Variants in ROPN1 observed in about 807,000 individuals in gnomAD.
The protein encoded by ROPN1 is ropporin-1A.
ROPN1 carries 14 observed loss-of-function variants against 20.5 expected under a neutral mutation model. The observed-to-expected ratio is 0.68, with a 90% confidence interval of 0.45 to 1.07. The LOEUF (loss-of-function observed/expected upper bound fraction) is 1.07. ROPN1 is among the 50% of genes least tolerant of loss of function. The pLI is 0.00. For synonymous variants in ROPN1, 76 were observed against 95.7 expected, an observed-to-expected ratio of 0.79 and a Z score of 1.20; for missense variants, 169 against 242.8, an observed-to-expected ratio of 0.70 and a Z score of 2.02.
chr3:123,974,066 C>G (rs944725416), intron 4 of ROPN1, among the ~76,000 whole-genome samples: 6 of 152,134 alleles, frequency 3.9e-5, no homozygotes, highest in African/African-American at 1.4e-4. Flanking sequence ...TAGGCTGTTT[C>G]AGTTACTGCA....
chr3:123,976,073 G>T (rs1190990269), intron 3 of ROPN1, among the ~76,000 whole-genome samples: 1 of 152,132 alleles, frequency 6.6e-6, no homozygotes, highest in South Asian at 2.1e-4. Flanking sequence ...GCCTAATGTT[G>T]CTTGATCCCA....
In ROPN1 at chr3:123,969,116, A is replaced by G; in HGVS notation, c.*39T>C. 2.0e-6 allele frequency: 3 copies of G among 1,537,412 alleles called. No homozygotes were observed. The highest frequency in any genetic ancestry group is 2.2e-5 in the East Asian group (1 of 44,458). ...GTTTCAGTCATTCTGAAGTACAATC[A>G]TCTCTGTATCTTCCTTTAAAATTGC... On this transcript the variant is annotated 3_prime_UTR_variant, in exon 6 of 6. Coordinates refer to ENST00000405845, the MANE Select transcript of ROPN1 (RefSeq NM_001317774.2).
chr3:123,974,873 A>G (rs4048387), intron 4 of ROPN1: 17,752 of 180,148 alleles, frequency 0.099, 2,150 homozygotes, highest in East Asian at 0.41. Context: ...AACATCCTGC[A>G]TCCATGGAGA....
rs201340337 is a variant in ROPN1 at position 123,986,018 on chromosome 3, A to AAAAAAAAAAAAAAAAAAAAT, written c.-12-5526_-12-5525insATTTTTTTTTTTTTTTTTTT. Among the ~76,000 whole-genome samples the AAAAAAAAAAAAAAAAAAAAT allele has an allele frequency of 2.8e-4, 26 of 93,988 alleles. 7 individuals are homozygous for AAAAAAAAAAAAAAAAAAAAT. The highest frequency in any genetic ancestry group is 1.9e-3 in the East Asian group (4 of 2,060). The allele number at this position is 93,988 out of a possible 152,430, so 61.7% of individuals were successfully genotyped here. A position where few individuals can be genotyped will look rare whatever the true frequency, so the allele number is the denominator to read the frequency against. On this transcript the variant is annotated intron_variant, in intron 1 of 5. Transcript: ENST00000405845. The stretch of plus-strand genomic sequence containing the variant: ...AAAAAAAAAAAAAAAAAAAAAAAAA[A>AAAAAAAAAAAAAAAAAAAAT]TCAAAATATTTAAATTATACTTGAA...
intron 1 of ROPN1, among the ~76,000 whole-genome samples, chr3:123,983,977 C>CA (rs1021562643): frequency 6.6e-4 from 101 of 152,266 alleles, no homozygotes; most frequent in African/African-American, 2.4e-3. Flanking sequence ...CTAGACATGA[C>CA]AATTCTTTCC....
chr3:123,977,576 G>C (rs1311527488), intron 2 of ROPN1, among the ~76,000 whole-genome samples: 8 of 152,174 alleles, frequency 5.3e-5, no homozygotes, highest in African/African-American at 1.9e-4. Context: ...GGAAGAGATG[G>C]AAGTGTCCTG....
At chr3:123,977,841 G>A (rs948211357) in intron 2 of ROPN1, among the ~76,000 whole-genome samples, 2 of 152,204 alleles carry the variant, frequency 1.3e-5, no homozygotes, top group East Asian at 1.9e-4. Context: ...TGTGGAACAA[G>A]TACTGAGTTC....
rs138445100 is a variant in ROPN1 at position 123,987,072 on chromosome 3, C to A, written c.-13+4850G>T. ...GAGCAAGTTGAGCCTAGTGGAATGGCCATCCCTGGCCATGCTGTACTACAA... is the reference window on the plus strand; with the variant it reads ...GAGCAAGTTGAGCCTAGTGGAATGGACATCCCTGGCCATGCTGTACTACAA... On this transcript the variant is annotated intron_variant, in intron 1 of 5. Transcript: ENST00000405845. 3.2e-3 allele frequency among the ~76,000 whole-genome samples: 490 copies of A among 152,338 alleles called. 8 individuals are homozygous for A. The highest frequency in any genetic ancestry group is 0.011 in the African/African-American group (472 of 41,582).
intron 5 of ROPN1, 110 bp from the exon 6 acceptor site, chr3:123,969,331 TC>T: frequency 2.1e-6 from 2 of 969,112 alleles, no homozygotes; most frequent in Non-Finnish European, 3.2e-6. Flanking sequence ...CTCCTTTTTC[TC>T]TTTTTTTGTT....
intron 1 of ROPN1, 44 bp downstream of exon 1, chr3:123,991,878 G>A (rs1200225847): frequency 6.7e-6 from 1 of 148,476 alleles, no homozygotes; most frequent in Non-Finnish European, 1.5e-5. Flanking sequence ...CCCTCGGGGC[G>A]CTCAGAGCCC....
rs71332720 is a variant in ROPN1 at position 123,978,662 on chromosome 3, G to A, written c.117-1681C>T. ...TGTAGGGAAATTCTTACTTGCAATG[G>A]ATTAAAAACGTATTTTGTCTTGGAA... On this transcript the variant is annotated intron_variant, in intron 2 of 5. Transcript: ENST00000405845. 6.7e-3 allele frequency: 1,034 copies of A among 153,656 alleles called. 1 individual carries two copies. The highest frequency in any genetic ancestry group is 0.024 in the Middle Eastern group (7 of 294). 9.5% of individuals were successfully genotyped at this position (153,656 alleles called of 1,614,324 possible).
rs1456293902 is a variant in ROPN1, at chr3:123,975,428, T to C, written c.347A>G (p.Glu116Gly). 3.7e-6 allele frequency: 4 copies of C among 1,067,230 alleles called. No individual in the cohort carries two copies. The highest frequency in any genetic ancestry group is 5.6e-6 in the Non-Finnish European group (4 of 713,690). 66.1% of individuals were successfully genotyped at this position (1,067,230 alleles called of 1,614,324 possible). A position where few individuals can be genotyped will look rare whatever the true frequency, so the allele number is the denominator to read the frequency against. ...GGCTAAAAACTTCAGCCACTCGATCTCCTCCGTGAAGCGACCCACATTCAT... is the reference window on the plus strand; with the variant it reads ...GGCTAAAAACTTCAGCCACTCGATCCCCTCCGTGAAGCGACCCACATTCAT... The part of the protein sequence containing the change: ...SVMNVGRFTE[E>G]IEWLKFLALA... The change falls in exon 4 of 6, where the codon GAG becomes GGG. Residue 116 changes from glutamate (E) to glycine (G), a missense_variant. This residue lies in a region of ROPN1 where 3 missense variants were observed against 43.4 expected (regional missense o/e 0.07). Coordinates refer to ENST00000405845, the MANE Select transcript of ROPN1 (RefSeq NM_001317774.2).
chr3:123,984,125 A>G (rs2038205026), intron 1 of ROPN1, among the ~76,000 whole-genome samples: 1 of 151,754 alleles, frequency 6.6e-6, no homozygotes, highest in Non-Finnish European at 1.5e-5. Flanking sequence ...TCTTCCCCCA[A>G]CTCAGGTCTT....
intron 1 of ROPN1, chr3:123,991,138 C>G (rs992607639): frequency 2.0e-5 from 3 of 150,666 alleles, no homozygotes; most frequent in African/African-American, 7.4e-5. Flanking sequence ...CCCTGATTAC[C>G]CTGTCAGTTC....
Position 123,969,241 on chromosome 3 carries a change from T to G in ROPN1, c.573-20A>C, listed in dbSNP as rs1040804915. The G allele has an allele frequency of 5.7e-6, 9 of 1,579,248 alleles. No homozygotes were observed. The highest frequency in any genetic ancestry group is 7.8e-6 in the Non-Finnish European group (9 of 1,148,642). On this transcript the variant is annotated intron_variant, in intron 5 of 5. Coordinates refer to ENST00000405845, the MANE Select transcript of ROPN1 (RefSeq NM_001317774.2). ...CCAATTCTGTTTGGAAAAAGGTATA[T>G]CTGCAGTTAGTTCATTGACAGTTAA... is the stretch of plus-strand genomic sequence containing the variant.
At chr3:123,969,931 A>G (rs192879311) in intron 5 of ROPN1, 111 bp downstream of exon 5, 2 of 1,050,518 alleles carry the variant, frequency 1.9e-6, no homozygotes, top group Admixed American at 2.6e-5. Flanking sequence ...CATGTTTCTC[A>G]CAATACTTTT....
intron 2 of ROPN1, chr3:123,978,947 T>C (rs1338905686): frequency 6.2e-6 from 1 of 160,170 alleles, no homozygotes; most frequent in Admixed American, 5.8e-5. Context: ...CTAAGCAATG[T>C]CAGTTTGCTT....
intron 1 of ROPN1, among the ~76,000 whole-genome samples, chr3:123,982,099 C>A (rs1480442632): frequency 2.0e-5 from 3 of 152,026 alleles, no homozygotes; most frequent in Non-Finnish European, 4.4e-5. Context: ...CAGAAAGACT[C>A]AAGGTGAAAA....
chr3:123,983,959 G>A (rs1258514179), intron 1 of ROPN1, among the ~76,000 whole-genome samples: 4 of 152,176 alleles, frequency 2.6e-5, no homozygotes, highest in Non-Finnish European at 5.9e-5. Context: ...GACATGGGAG[G>A]TGGCCTGCTA....
Sources: gnomAD v4.1 joint callset for allele counts (sites outside exome capture counted in the v4.1 genomes callset) on GRCh38, gnomAD v4.1.1 for gene constraint, gnomAD v4.1.1 regional missense constraint, MANE v1.5 for transcripts, NCBI Gene and HGNC (gene_info 2026-07-23, HGNC 2026-07-21) for gene names.